SULF2: variants seen among roughly 807,000 people sequenced by gnomAD.
SULF2 encodes sulfatase 2.
SULF2 carries 52 observed loss-of-function variants against 107.7 expected under a neutral mutation model. The observed-to-expected ratio is 0.48, with a 90% CI of 0.39 to 0.61. The LOEUF is 0.61. Ranked by LOEUF, SULF2 falls within the 20% of genes least tolerant of loss-of-function variation. SULF2 has a pLI of 0.00. For synonymous variants in SULF2, 460 were observed against 464.3 expected, an observed-to-expected ratio of 0.99 and a Z score of 0.12; for missense variants, 993 against 1,177.3, an observed-to-expected ratio of 0.84 and a Z score of 2.29.
chr20:47,774,563 A>G (rs1255158193), intron 1 of SULF2, among the ~76,000 whole-genome samples: 5 of 152,170 alleles, frequency 3.3e-5, no homozygotes, highest in African/African-American at 1.2e-4. Context: ...CACCTGAGCT[A>G]TGGGGCCCTG....
chr20:47,666,380 AGGTTTCGG>A lies in SULF2; in HGVS notation c.1677_1684del (p.Arg560HisfsTer10). Reference sequence around the variant, plus strand: ...GGCCCCTGGCCAGTGCCGCTTGGTGAGGTTTCGGGGCTGGGCGGCATCACCCAGGCCTA... The same window carrying A: ...GGCCCCTGGCCAGTGCCGCTTGGTGAGGCTGGGCGGCATCACCCAGGCCTA... On this transcript the variant is annotated frameshift_variant, in exon 12 of 21. Coordinates refer to ENST00000688720, the MANE Select transcript of SULF2 (RefSeq NM_001387048.1). LOFTEE classifies it high-confidence loss of function. This position sits in a 1 kb window ranked among gnomAD's most constrained non-coding sequence, Gnocchi z 5.4. 6.2e-7 allele frequency: 1 copy of A among 1,613,886 alleles called. No individual in the cohort carries two copies. The highest frequency in any genetic ancestry group is 8.5e-7 in the Non-Finnish European group (1 of 1,180,014).
At chr20:47,769,639 T>C (rs1281952647) in intron 1 of SULF2, among the ~76,000 whole-genome samples, 1 of 152,172 alleles carries the variant, frequency 6.6e-6, no homozygotes, top group Admixed American at 6.5e-5. Flanking sequence ...CGAGATTTCC[T>C]GAGCACCTAC....
At chr20:47,659,611 A>G (rs990571694) in intron 19 of SULF2, 86 bp downstream of exon 19, 3 of 1,396,008 alleles carry the variant, frequency 2.1e-6, no homozygotes, top group African/African-American at 2.9e-5. Flanking sequence ...TTCTCAAGAT[A>G]ACAGGTGCAG....
At chr20:47,743,707 C>T (rs2089943036) in intron 2 of SULF2, among the ~76,000 whole-genome samples, 1 of 152,160 alleles carries the variant, frequency 6.6e-6, no homozygotes, top group Admixed American at 6.5e-5. Context: ...AAATCAAAGT[C>T]CTCCCTCTGT....
In SULF2 at chr20:47,741,643, C is replaced by T. The variant is rs373226260; in HGVS notation, c.176-4701G>A. Among the ~76,000 whole-genome samples the T allele has an allele frequency of 5.3e-5, 8 of 152,274 alleles. No individual in the cohort carries two copies. The East Asian group carries it at 1.4e-3, about 26-fold the overall frequency. ...TGCTCATAAATATTTCTTAAATGCACGAGTCCAGGGCACCCCAAGTGGAAT... is the reference window on the plus strand; with the variant it reads ...TGCTCATAAATATTTCTTAAATGCATGAGTCCAGGGCACCCCAAGTGGAAT... On this transcript the variant is annotated intron_variant, in intron 2 of 20. Transcript: ENST00000688720.
intron 4 of SULF2, among the ~76,000 whole-genome samples, chr20:47,700,464 A>C (rs1306093823): frequency 6.6e-6 from 1 of 152,102 alleles, no homozygotes; most frequent in African/African-American, 2.4e-5. Context: ...GGGCGCTTCT[A>C]ATGTTCTACA....
At chr20:47,686,156 A>T (rs1425822847) in intron 5 of SULF2, 1 of 152,264 alleles carries the variant, frequency 6.6e-6, no homozygotes, top group African/African-American at 2.4e-5. Context: ...CTTTGTCATT[A>T]GTAATCACGG....
intron 16 of SULF2, 71 bp downstream of exon 16, chr20:47,663,382 G>C: frequency 1.3e-6 from 2 of 1,594,144 alleles, no homozygotes; most frequent in Non-Finnish European, 1.7e-6. Context: ...GAGAGGTCTG[G>C]GTCACTAAGT....
rs2088317024 is a variant in SULF2, at chr20:47,694,736, T to C, written c.568-4441A>G. 6.6e-6 allele frequency among the ~76,000 whole-genome samples: 1 copy of C among 152,088 alleles called. No homozygotes were observed. The highest frequency in any genetic ancestry group is 1.5e-5 in the Non-Finnish European group (1 of 68,014). ...AGCCCTAGGCAAAAGCGTGTTTCCC[T>C]CGAGTGGGCACTCCGCACCGGGCTT... is the stretch of plus-strand genomic sequence containing the variant. On this transcript the variant is annotated intron_variant, in intron 4 of 20. Transcript: ENST00000688720. The surrounding 1 kb of genome is among the most constrained non-coding windows in gnomAD (Gnocchi z 4.4).
Position 47,678,901 on chromosome 20 carries a change from G to T in SULF2, c.1065-97C>A. 9.6e-7 allele frequency: 1 copy of T among 1,043,488 alleles called. No homozygotes were observed. Among genetic ancestry groups the T allele is most frequent in the Non-Finnish European group, 1.5e-6 (1 of 687,396 alleles). 64.6% of individuals were successfully genotyped at this position (1,043,488 alleles called of 1,614,324 possible). ...AGCGGTAGGTGGGCAGCAGTTTGTG[G>T]GAGGCTGACATCTGCAGGTATGGAA... On this transcript the variant is annotated intron_variant, in intron 7 of 20. Coordinates refer to ENST00000688720, the MANE Select transcript of SULF2 (RefSeq NM_001387048.1). This position sits in a 1 kb window ranked among gnomAD's most constrained non-coding sequence, Gnocchi z 4.5.
rs2087087792 is a variant in SULF2 at position 47,661,894 on chromosome 20, C to T, written c.2373G>A (p.Leu791=). The change falls in exon 18 of 21, where the codon CTG becomes CTA. Residue 791 remains leucine, a splice_region_variant and synonymous_variant. Transcript: ENST00000688720. ...TGTCCAGTGTGTTCACTGCATTCAT[C>T]AGCTGGTTGCAAAAAAGGTAGTCTG... ...YFDLNTDPYQ[L]MNAVNTLDRD... is the part of the protein sequence containing the mutation. 6.5e-7 allele frequency: 1 copy of T among 1,549,832 alleles called. No individual in the cohort carries two copies. The highest frequency in any genetic ancestry group is 8.8e-7 in the Non-Finnish European group (1 of 1,137,720).
At chr20:47,778,751 G>T (rs1465975374) in intron 1 of SULF2, among the ~76,000 whole-genome samples, 3 of 152,152 alleles carry the variant, frequency 2.0e-5, no homozygotes, top group Admixed American at 6.5e-5. Flanking sequence ...GAGCCTTCAG[G>T]AACTTCTTGG....
chr20:47,659,367 A>G (rs1182715394), intron 20 of SULF2, 32 bp downstream of exon 20: 9 of 1,606,616 alleles, frequency 5.6e-6, no homozygotes, highest in Admixed American at 5.0e-5. Context: ...TCAGAACCAG[A>G]TTTCTATTTG....
intron 1 of SULF2, among the ~76,000 whole-genome samples, chr20:47,775,589 G>A (rs1021712009): frequency 1.3e-5 from 2 of 152,194 alleles, no homozygotes; most frequent in Non-Finnish European, 2.9e-5. Context: ...ATGACTATGA[G>A]GTTAAGACTT....
chr20:47,725,268 G>T (rs189159851), intron 3 of SULF2, among the ~76,000 whole-genome samples: 4 of 152,132 alleles, frequency 2.6e-5, no homozygotes, highest in Non-Finnish European at 4.4e-5. Context: ...TTCTTATTCC[G>T]TACATTCCTG....
intron 5 of SULF2, 55 bp downstream of exon 5, chr20:47,690,071 A>C: frequency 7.4e-7 from 1 of 1,345,402 alleles, no homozygotes; most frequent in African/African-American, 1.5e-5. Context: ...CTAAAGCCTG[A>C]CCCTCCCCCT....
rs1241167939 is a variant in SULF2, at chr20:47,766,009, T to C, written c.-100-8546A>G. On this transcript the variant is annotated intron_variant, in intron 1 of 20. Coordinates refer to ENST00000688720, the MANE Select transcript of SULF2 (RefSeq NM_001387048.1). ...TTCTGAAGAATCCAAAGGATTTGGA[T>C]GGCCAGTGAAGAGGAGGGTGGAGGA... Among the ~76,000 whole-genome samples, 3 of 152,170 alleles carry C rather than the reference T, an allele frequency of 2.0e-5. No homozygotes were observed. The East Asian group carries it at 5.8e-4, about 29-fold the overall frequency.
At chr20:47,759,762 A>C (rs2090377729) in intron 1 of SULF2, among the ~76,000 whole-genome samples, 1 of 152,228 alleles carries the variant, frequency 6.6e-6, no homozygotes, top group Non-Finnish European at 1.5e-5. Context: ...AACAAACGTC[A>C]TCACCTCAGA....
chr20:47,769,749 C>T (rs1027404476), intron 1 of SULF2, among the ~76,000 whole-genome samples: 1 of 152,158 alleles, frequency 6.6e-6, no homozygotes, highest in Non-Finnish European at 1.5e-5. Flanking sequence ...GGCAACGTGT[C>T]CCAAGGAGAT....
Sources: gnomAD v4.1 joint callset for allele counts (sites outside exome capture counted in the v4.1 genomes callset) on GRCh38, gnomAD v4.1.1 for gene constraint, Gnocchi (gnomAD v3.1) non-coding constraint, MANE v1.5 for transcripts, NCBI Gene and HGNC (gene_info 2026-07-23, HGNC 2026-07-21) for gene names.